RPS6KA2: variants seen among roughly 807,000 people sequenced by gnomAD.
The protein encoded by RPS6KA2 is ribosomal protein S6 kinase A2, also known as ribosomal protein S6 kinase alpha-2.
RPS6KA2 carries 42 observed loss-of-function variants against 91.8 expected under a neutral mutation model. The observed-to-expected ratio is 0.46, with a 90% CI of 0.36 to 0.59. The LOEUF (loss-of-function observed/expected upper bound fraction) is 0.59, where lower values mean the gene tolerates loss of function less well. Ranked by LOEUF, RPS6KA2 falls within the 20% of genes least tolerant of loss-of-function variation. The pLI, the probability that RPS6KA2 is intolerant of heterozygous loss-of-function variation, is 0.00. For synonymous variants in RPS6KA2, 414 were observed against 393.6 expected (o/e 1.05, Z -0.61); for missense variants, 798 against 978.5 (o/e 0.82, Z 2.46).
upstream of RPS6KA2, among the ~76,000 whole-genome samples, chr6:166,631,718 G>T (rs971618900): frequency 2.0e-5 from 3 of 152,150 alleles, no homozygotes; most frequent in Admixed American, 2.0e-4. Flanking sequence ...CTCCCAAACA[G>T]CGAGAAGGGA....
intron 19 of RPS6KA2, among the ~76,000 whole-genome samples, chr6:166,417,542 C>T (rs1228133234): frequency 3.3e-5 from 5 of 152,080 alleles, no homozygotes; most frequent in African/African-American, 9.6e-5. Flanking sequence ...TCCAGCCTGC[C>T]GGCTGCCCTG....
intron 2 of RPS6KA2, among the ~76,000 whole-genome samples, chr6:166,699,401 C>G (rs376143811): frequency 6.6e-6 from 1 of 152,270 alleles, no homozygotes; most frequent in Admixed American, 6.5e-5. Flanking sequence ...AAAAAACTTG[C>G]TTTCTGAGAA....
At chr6:166,535,766 ATT>A (rs1299122874) in intron 2 of RPS6KA2, among the ~76,000 whole-genome samples, 16 of 152,214 alleles carry the variant, frequency 1.1e-4, no homozygotes, top group Non-Finnish European at 2.2e-4. Context: ...ATTGCTTTTC[ATT>A]TTGAGGATAA....
At chr6:166,704,351 G>A (rs874277) in intron 2 of RPS6KA2, among the ~76,000 whole-genome samples, 24,579 of 152,176 alleles carry the variant, frequency 0.16, 2,087 homozygotes, top group Admixed American at 0.19. Flanking sequence ...CGAGGCATGC[G>A]CATACTGCTG....
chr6:166,792,000 G>T lies in RPS6KA2; in HGVS notation c.123+66200C>A, dbSNP rs547828429. Reference sequence around the variant, plus strand: ...ACATTCAAAAGCTAGCAGAAGGCAAGAAATAACTAAGATCAGAACAGAACT... The same window carrying T: ...ACATTCAAAAGCTAGCAGAAGGCAATAAATAACTAAGATCAGAACAGAACT... On this transcript the variant is annotated intron_variant, in intron 2 of 21. Coordinates refer to the RPS6KA2 transcript ENST00000503859. Among the ~76,000 whole-genome samples the T allele has an allele frequency of 2.6e-5, 4 of 151,714 alleles. No individual in the cohort carries two copies. In the East Asian group the frequency reaches 7.7e-4, roughly 29 times the overall value.
rs371002225 is a variant in RPS6KA2 at position 166,508,302 on chromosome 6, G to A, written c.380-20C>T. ...GAAAGGCTGTGGGGGACAGAGACCC[G>A]CATTTTGACAGCTTGTCGAATGTCC... On this transcript the variant is annotated intron_variant, in intron 4 of 20. Coordinates refer to ENST00000265678, the MANE Select transcript of RPS6KA2 (RefSeq NM_021135.6). The surrounding 1 kb of genome is among the most constrained non-coding windows in gnomAD (Gnocchi z 4.3). 42 of 1,524,210 alleles carry A rather than the reference G, an allele frequency of 2.8e-5. No homozygotes were observed. The highest frequency in any genetic ancestry group is 2.3e-4 in the African/African-American group (17 of 73,212). 94.4% of individuals were successfully genotyped at this position (1,524,210 alleles called of 1,614,324 possible).
At chr6:166,550,775 GTC>G (rs1176278873) in intron 1 of RPS6KA2, among the ~76,000 whole-genome samples, 22 of 151,960 alleles carry the variant, frequency 1.4e-4, no homozygotes, top group Non-Finnish European at 2.4e-4. Flanking sequence ...GGCCAAGGCG[GTC>G]AGATCACAAG....
intron 2 of RPS6KA2, among the ~76,000 whole-genome samples, chr6:166,700,354 G>T (rs535927993): frequency 6.8e-4 from 103 of 152,084 alleles, no homozygotes; most frequent in African/African-American, 2.2e-3. Flanking sequence ...AAAAAACCCT[G>T]AAATTAATTT....
At chr6:166,442,113 C>T (rs12153873) in intron 14 of RPS6KA2, among the ~76,000 whole-genome samples, 35,782 of 152,226 alleles carry the variant, frequency 0.24, 4,789 homozygotes, top group Middle Eastern at 0.37. Flanking sequence ...GCACACCTTC[C>T]CCTTACAGCC....
At chr6:166,424,438 A>G (rs760349734) in intron 16 of RPS6KA2, among the ~76,000 whole-genome samples, 3 of 149,918 alleles carry the variant, frequency 2.0e-5, no homozygotes, top group Non-Finnish European at 2.9e-5. Flanking sequence ...AGGACTACGC[A>G]CACAGCTGGC....
At chr6:166,842,521 C>T (rs986789140) in intron 2 of RPS6KA2, among the ~76,000 whole-genome samples, 10 of 152,280 alleles carry the variant, frequency 6.6e-5, no homozygotes, top group South Asian at 2.1e-4. Context: ...AGCTCCAGAA[C>T]GGTGAGGGAG....
At chr6:166,782,300 A>C (rs994864350) in intron 2 of RPS6KA2, among the ~76,000 whole-genome samples, 20 of 152,170 alleles carry the variant, frequency 1.3e-4, no homozygotes, top group East Asian at 1.9e-4. Context: ...AAAAAACAAC[A>C]ACCACAACAA....
chr6:166,660,086 TAAAC>T (rs1410986666), intron 2 of RPS6KA2, among the ~76,000 whole-genome samples: 1 of 152,214 alleles, frequency 6.6e-6, no homozygotes, highest in Non-Finnish European at 1.5e-5. Context: ...TGGAAAGTGT[TAAAC>T]AAACATTTCC....
Position 166,854,957 on chromosome 6 carries a change from G to A in RPS6KA2, c.123+3243C>T, listed in dbSNP as rs12524145. On this transcript the variant is annotated intron_variant, in intron 2 of 21. Coordinates refer to the RPS6KA2 transcript ENST00000503859. ...GGAATCAACATAAGTGTCCAACATC[G>A]AAGAATTCAATCAAGAAAATGTGAT... 0.021 allele frequency among the ~76,000 whole-genome samples: 3,231 copies of A among 152,146 alleles called. 230 individuals are homozygous for A. In the East Asian group the frequency reaches 0.27, roughly 13 times the overall value.
chr6:166,801,687 T>C (rs1779370179), intron 2 of RPS6KA2, among the ~76,000 whole-genome samples: 1 of 152,204 alleles, frequency 6.6e-6, no homozygotes, highest in Non-Finnish European at 1.5e-5. Flanking sequence ...TTTTGCTATA[T>C]TCAAGTTTTA....
At position 166,737,896 on chromosome 6, in the gene RPS6KA2, G is replaced by A. The variant is rs1262144504; in HGVS notation, c.123+120304C>T. Among the ~76,000 whole-genome samples, 1 of 152,120 alleles carries A rather than the reference G, an allele frequency of 6.6e-6. No homozygotes were observed. Among genetic ancestry groups the A allele is most frequent in the East Asian group, 1.9e-4 (1 of 5,196 alleles). On this transcript the variant is annotated intron_variant, in intron 2 of 21. Transcript: ENST00000503859. This position sits in a 1 kb window ranked among gnomAD's most constrained non-coding sequence, Gnocchi z 4.3. ...ATGAAACGAAGCTATTTCTCATTGTGAAAGAAATAAAACATACAGAAAAGT... is the reference window on the plus strand; with the variant it reads ...ATGAAACGAAGCTATTTCTCATTGTAAAAGAAATAAAACATACAGAAAAGT...
chr6:166,734,248 G>A (rs1790609775), intron 2 of RPS6KA2, among the ~76,000 whole-genome samples: 1 of 152,232 alleles, frequency 6.6e-6, no homozygotes, highest in Admixed American at 6.5e-5. Context: ...CCCATTAGCA[G>A]AACCCGAGCA....
chr6:166,731,502 G>A lies in RPS6KA2; in HGVS notation c.123+126698C>T, dbSNP rs528938014. 1.3e-3 allele frequency among the ~76,000 whole-genome samples: 193 copies of A among 152,198 alleles called. 3 individuals are homozygous for A. The highest frequency in any genetic ancestry group is 0.012 in the South Asian group (58 of 4,812). ...CTTGTGAGACAAAGTAACAAATGTCGGAAGCCATGTCTGTTTCTTTCTGCT... is the reference window on the plus strand; with the variant it reads ...CTTGTGAGACAAAGTAACAAATGTCAGAAGCCATGTCTGTTTCTTTCTGCT... On this transcript the variant is annotated intron_variant, in intron 2 of 21. Transcript: ENST00000503859.
chr6:166,706,173 C>T (rs1398880388), intron 2 of RPS6KA2, among the ~76,000 whole-genome samples: 1 of 152,222 alleles, frequency 6.6e-6, no homozygotes, highest in African/African-American at 2.4e-5. Flanking sequence ...TGGACTAACA[C>T]ACCTGCAATA....
Sources: allele counts gnomAD v4.1 joint callset (sites outside exome capture counted in the v4.1 genomes callset), GRCh38; gene constraint gnomAD v4.1.1; non-coding constraint Gnocchi (gnomAD v3.1); transcripts MANE v1.5; gene names NCBI Gene and HGNC (gene_info 2026-07-23, HGNC 2026-07-21).